Variants in COP1 observed in about 807,000 individuals in gnomAD.
COP1 encodes the protein COP1 E3 ubiquitin ligase, also known as E3 ubiquitin-protein ligase COP1.
In COP1, 24 loss-of-function variants were observed where a neutral mutation model predicts 101.3. That is an observed-to-expected ratio of 0.24 (90% CI 0.17 to 0.33). The LOEUF (loss-of-function observed/expected upper bound fraction) is 0.33, where lower values mean the gene tolerates loss of function less well. Ranked by LOEUF, COP1 falls within the 10% of genes least tolerant of loss-of-function variation. COP1 has a pLI of 1.00. For missense variants in COP1, 663 were observed against 906.2 expected, an observed-to-expected ratio of 0.73 and a Z score of 3.45; for synonymous variants, 347 against 341.9, an observed-to-expected ratio of 1.01 and a Z score of -0.17.
At chr1:176,136,332 T>C (rs1449399325) in intron 7 of COP1, among the ~76,000 whole-genome samples, 156 bp downstream of exon 7, 4 of 152,080 alleles carry the variant, frequency 2.6e-5, no homozygotes, top group Non-Finnish European at 4.4e-5. Flanking sequence ...AATGTTTTTT[T>C]CTACAAAAAT....
chr1:176,023,278 A>G (rs1667074407), intron 15 of COP1, among the ~76,000 whole-genome samples: 1 of 152,206 alleles, frequency 6.6e-6, no homozygotes. Flanking sequence ...GTTTAGCTAC[A>G]CCTACCAAAA....
At chr1:176,065,826 G>A (rs1675856015) in intron 11 of COP1, among the ~76,000 whole-genome samples, 1 of 151,448 alleles carries the variant, frequency 6.6e-6, no homozygotes, top group African/African-American at 2.4e-5. Flanking sequence ...TCCTGCCTGA[G>A]CCTCCTGAGT....
At chr1:176,153,714 G>T (rs56943475) in intron 5 of COP1, among the ~76,000 whole-genome samples, 1 of 152,092 alleles carries the variant, frequency 6.6e-6, no homozygotes, top group African/African-American at 2.4e-5. Context: ...TAATGATGTT[G>T]GCTGTGGGTT....
intron 9 of COP1, among the ~76,000 whole-genome samples, chr1:176,095,491 G>A (rs779173453): frequency 8.5e-5 from 13 of 152,106 alleles, no homozygotes; most frequent in Non-Finnish European, 1.5e-4. Context: ...ACCAGCCTGC[G>A]CAGCATGGCA....
chr1:176,141,823 T>G (rs1020597068), intron 6 of COP1, among the ~76,000 whole-genome samples: 2 of 151,792 alleles, frequency 1.3e-5, no homozygotes, highest in African/African-American at 2.4e-5. Context: ...CTCTGCCTCC[T>G]AGGCTCAAGC....
chr1:176,146,242 T>A (rs1691569243), intron 6 of COP1, among the ~76,000 whole-genome samples: 1 of 152,170 alleles, frequency 6.6e-6, no homozygotes, highest in African/African-American at 2.4e-5. Context: ...CCCAACACCC[T>A]TTTGTTTAAT....
At chr1:176,030,377 A>G (rs1378695703) in intron 14 of COP1, among the ~76,000 whole-genome samples, 4 of 152,178 alleles carry the variant, frequency 2.6e-5, no homozygotes, top group African/African-American at 9.6e-5. Flanking sequence ...GGTAATTCAC[A>G]ATAGATAAGT....
intron 14 of COP1, among the ~76,000 whole-genome samples, chr1:176,031,047 C>A (rs560722409): frequency 6.6e-6 from 1 of 152,220 alleles, no homozygotes; most frequent in Admixed American, 6.5e-5. Context: ...CCATCAATAA[C>A]CAGAAATTAG....
At position 176,176,466 on chromosome 1, in the gene COP1, G is replaced by A. The variant is rs148088672; in HGVS notation, c.468-459C>T. Among the ~76,000 whole-genome samples, 344 of 152,206 alleles carry A rather than the reference G, an allele frequency of 2.3e-3. 3 individuals are homozygous for A. Among genetic ancestry groups the A allele is most frequent in the African/African-American group, 7.6e-3 (317 of 41,532 alleles). On this transcript the variant is annotated intron_variant, in intron 2 of 19. Transcript: ENST00000367669. ...AACATGAGAAAACCATCATCTTCAC[G>A]AGTCACAAAAAGCTGATTTAAAATT... is the stretch of plus-strand genomic sequence containing the variant.
At chr1:176,122,483 G>A (rs566332828) in intron 8 of COP1, among the ~76,000 whole-genome samples, 92 of 152,154 alleles carry the variant, frequency 6.0e-4, no homozygotes, top group Non-Finnish European at 1.2e-3. Flanking sequence ...CTTAAGGAAT[G>A]CAAGGTTAGT....
chr1:176,022,796 A>T (rs776057659), intron 15 of COP1, among the ~76,000 whole-genome samples: 2 of 152,184 alleles, frequency 1.3e-5, no homozygotes, highest in Non-Finnish European at 2.9e-5. Flanking sequence ...CATTTCCACC[A>T]TCTTAAAGTG....
chr1:176,103,375 T>C (rs922595469), intron 9 of COP1, among the ~76,000 whole-genome samples: 6 of 152,182 alleles, frequency 3.9e-5, no homozygotes, highest in African/African-American at 1.2e-4. Flanking sequence ...TTAAGCTCTA[T>C]AAAACTCTAT....
rs559938614 is a variant in COP1, at chr1:176,009,425, G to A, written c.1729+18147C>T. On this transcript the variant is annotated intron_variant, in intron 15 of 19. Transcript: ENST00000367669. ...TAGTACCATATAATAATATACTAAC[G>A]TATTCTCATGTTAATACAAAAGGGG... Among the ~76,000 whole-genome samples the A allele has an allele frequency of 1.4e-4, 22 of 152,136 alleles. No homozygotes were observed. In the South Asian group the frequency reaches 3.9e-3, roughly 27 times the overall value.
At chr1:176,170,601 GAT>G (rs995154268) in intron 3 of COP1, among the ~76,000 whole-genome samples, 1 of 152,158 alleles carries the variant, frequency 6.6e-6, no homozygotes. Flanking sequence ...GCTGAAAAGA[GAT>G]ATGCTGTCTT....
chr1:176,051,017 AAC>A (rs1392862067), intron 11 of COP1, among the ~76,000 whole-genome samples: 2 of 152,232 alleles, frequency 1.3e-5, no homozygotes, highest in East Asian at 3.8e-4. Flanking sequence ...TAGTGATAAT[AAC>A]ACATAATTCA....
chr1:175,998,681 T>G (rs530263955), intron 15 of COP1, among the ~76,000 whole-genome samples: 5 of 152,202 alleles, frequency 3.3e-5, no homozygotes, highest in African/African-American at 9.6e-5. Context: ...TAGTTCATAA[T>G]GTACAATAGT....
intron 5 of COP1, among the ~76,000 whole-genome samples, chr1:176,161,963 C>T (rs1405877740): frequency 3.3e-5 from 5 of 152,106 alleles, no homozygotes. Flanking sequence ...ACAAAAGCTC[C>T]TTTTTTTCTT....
chr1:176,185,716 T>C (rs1303560704), intron 1 of COP1, among the ~76,000 whole-genome samples: 1 of 152,246 alleles, frequency 6.6e-6, no homozygotes, highest in East Asian at 1.9e-4. Flanking sequence ...AGGAGGATAC[T>C]GGTTCCTGGA....
intron 15 of COP1, among the ~76,000 whole-genome samples, chr1:176,002,132 C>A (rs920609957): frequency 2.0e-5 from 3 of 151,966 alleles, no homozygotes; most frequent in Admixed American, 1.3e-4. Context: ...TGTTTTCCAT[C>A]CAATTTGCAA....
Sources: gnomAD v4.1 joint callset for allele counts (sites outside exome capture counted in the v4.1 genomes callset) on GRCh38, gnomAD v4.1.1 for gene constraint, MANE v1.5 for transcripts, NCBI Gene and HGNC (gene_info 2026-07-23, HGNC 2026-07-21) for gene names.